Variants in DMXL2 observed in about 807,000 individuals in gnomAD.
DMXL2 encodes the protein dmX-like protein 2.
In DMXL2, 103 loss-of-function variants were observed where a neutral mutation model predicts 331.1. That is an observed-to-expected ratio of 0.31 (90% CI 0.27 to 0.37). The LOEUF (loss-of-function observed/expected upper bound fraction) is 0.37, where lower values mean the gene tolerates loss of function less well. Ranked by LOEUF, DMXL2 falls within the 10% of genes least tolerant of loss-of-function variation. The pLI is 1.00. For synonymous variants in DMXL2, 1,281 were observed against 1,252.1 expected (o/e 1.02, Z -0.49); for missense variants, 3,171 against 3,642.9 (o/e 0.87, Z 3.33).
rs2048943183 is a variant in DMXL2 at position 51,547,347 on chromosome 15, T to C, written c.629A>G (p.Gln210Arg). 6.2e-7 allele frequency: 1 copy of C among 1,612,274 alleles called. No homozygotes were observed. Among genetic ancestry groups the C allele is most frequent in the Non-Finnish European group, 8.5e-7 (1 of 1,179,142 alleles). Residue 210 changes from glutamine to arginine, a missense_variant, in exon 7 of 44, where the codon CAG becomes CGG. By Grantham distance (43) the Gln-to-Arg change is conservative. This residue lies in a region of DMXL2 where 1,674 missense variants were observed against 1,780.2 expected (regional missense o/e 0.94). Transcript: ENST00000560891. The part of the protein sequence containing the change: ...MTGWKSSIIP[Q>R]DHHEVKRRQS... ...TCTCCTTTTTACTTCATGATGATCC[T>C]GAGGTATAATTGAAGACTTCCAACC...
At chr15:51,550,227 C>G (rs192875940) in intron 6 of DMXL2, among the ~76,000 whole-genome samples, 10 of 152,188 alleles carry the variant, frequency 6.6e-5, no homozygotes, top group Admixed American at 4.6e-4. Flanking sequence ...ATCCAGCATC[C>G]CTTTATAATT....
Position 51,480,810 on chromosome 15 carries a change from C to A in DMXL2, c.6296G>T (p.Ser2099Ile), listed in dbSNP as rs755290557. 2 of 1,610,534 alleles carry A rather than the reference C, an allele frequency of 1.2e-6. No homozygotes were observed. Among genetic ancestry groups the A allele is most frequent in the South Asian group, 2.2e-5 (2 of 90,468 alleles). Residue 2099 changes from serine to isoleucine, a missense_variant, in exon 24 of 44, where the codon AGT becomes ATT. Ser to Ile is a moderately radical substitution (Grantham distance 142). Transcript: ENST00000560891. ...NHESVIKEYS[S>I]KTYSKVESDL... Reference sequence around the variant, plus strand: ...ACTCTCTACTTTGGAATATGTCTTACTGGAATACTCTTTAATAACTGATTC... The same window carrying A: ...ACTCTCTACTTTGGAATATGTCTTAATGGAATACTCTTTAATAACTGATTC...
intron 6 of DMXL2, among the ~76,000 whole-genome samples, chr15:51,561,452 A>G (rs1447532110): frequency 6.6e-6 from 1 of 152,256 alleles, no homozygotes; most frequent in East Asian, 1.9e-4. Flanking sequence ...AGACAGGGAC[A>G]CCAGACAGGC....
intron 20 of DMXL2, among the ~76,000 whole-genome samples, chr15:51,489,980 T>C (rs937332026): frequency 6.6e-6 from 1 of 152,244 alleles, no homozygotes; most frequent in Non-Finnish European, 1.5e-5. Context: ...GGGATACATC[T>C]GAAACATTTC....
chr15:51,516,058 C>T (rs1283412585), intron 14 of DMXL2, among the ~76,000 whole-genome samples: 1 of 152,062 alleles, frequency 6.6e-6, no homozygotes, highest in Non-Finnish European at 1.5e-5. Context: ...TACATTTTCC[C>T]CAATAGAAAG....
rs79285947 is a variant in DMXL2 at position 51,500,627 on chromosome 15, T to A, written c.2993-396A>T. 5.9e-5 allele frequency among the ~76,000 whole-genome samples: 9 copies of A among 152,350 alleles called. No homozygotes were observed. In the East Asian group the frequency reaches 1.5e-3, roughly 26 times the overall value. On this transcript the variant is annotated intron_variant, in intron 17 of 43. Coordinates refer to ENST00000560891, the MANE Select transcript of DMXL2 (RefSeq NM_001378457.1). ...ACTATATATTTAATCATTTTCATCA[T>A]GAATACTTAACTGAGCTTTACAATT...
chr15:51,601,764 C>T (rs2053245280), intron 1 of DMXL2, among the ~76,000 whole-genome samples: 1 of 152,156 alleles, frequency 6.6e-6, no homozygotes, highest in African/African-American at 2.4e-5. Context: ...ATCATTCTAT[C>T]AAATTCCACA....
Position 51,498,833 on chromosome 15 carries a change from G to A in DMXL2, c.4391C>T (p.Pro1464Leu). The A allele has an allele frequency of 6.2e-7, 1 of 1,614,122 alleles. No individual in the cohort carries two copies. Among genetic ancestry groups the A allele is most frequent in the Non-Finnish European group, 8.5e-7 (1 of 1,179,994 alleles). ...AAACAGCTCTGAATACTGATCCTCTGGTTGACTTACTGTCTGATCTTCATA... is the reference window on the plus strand; with the variant it reads ...AAACAGCTCTGAATACTGATCCTCTAGTTGACTTACTGTCTGATCTTCATA... ...QSYEDQTVSQ[P>L]EDQYSELFQI... The change falls in exon 18 of 44, where the codon CCA becomes CTA. Residue 1464 changes from proline to leucine, a missense_variant. Transcript: ENST00000560891.
chr15:51,492,129 C>A (rs1444558054), intron 19 of DMXL2, among the ~76,000 whole-genome samples: 1 of 152,232 alleles, frequency 6.6e-6, no homozygotes, highest in African/African-American at 2.4e-5. Flanking sequence ...AGGGCCCAGG[C>A]CCGATTCCAG....
At chr15:51,579,985 G>C (rs2051299152) in intron 1 of DMXL2, among the ~76,000 whole-genome samples, 1 of 152,168 alleles carries the variant, frequency 6.6e-6, no homozygotes, top group African/African-American at 2.4e-5. Context: ...GGATTCATTT[G>C]CTTCACAGTA....
Position 51,564,124 on chromosome 15 carries a change from C to T in DMXL2, c.500+1G>A. ...ATATAACAATAGAAATAGACACTAA[C>T]TTGCACTGCCAGACACACTTCCAAT... On this transcript the variant is annotated splice_donor_variant, in intron 5 of 43. Transcript: ENST00000560891. LOFTEE classifies it high-confidence loss of function. The T allele has an allele frequency of 6.3e-7, 1 of 1,590,536 alleles. No homozygotes were observed. Among genetic ancestry groups the T allele is most frequent in the Non-Finnish European group, 8.5e-7 (1 of 1,171,956 alleles).
chr15:51,457,438 T>C lies in DMXL2; in HGVS notation c.8227A>G (p.Thr2743Ala). 1 of 1,614,226 alleles carries C rather than the reference T, an allele frequency of 6.2e-7. No homozygotes were observed. The highest frequency in any genetic ancestry group is 8.5e-7 in the Non-Finnish European group (1 of 1,180,028). ...GCACTGGGTTGATAAAGAGTTGTAGTGGAACCACGATAATCAACATCATCT... is the reference window on the plus strand; with the variant it reads ...GCACTGGGTTGATAAAGAGTTGTAGCGGAACCACGATAATCAACATCATCT... ...SSDDVDYRGS[T>A]TTLYQPSATS... Residue 2743 changes from threonine (T) to alanine (A), a missense_variant, in exon 37 of 44, where the codon ACT becomes GCT. Transcript: ENST00000560891.
chr15:51,466,343 GATT>G (rs2040568993), intron 29 of DMXL2, 32 bp from the exon 30 acceptor site: 2 of 1,024,372 alleles, frequency 2.0e-6, no homozygotes, highest in Non-Finnish European at 1.3e-6. Context: ...TTTTTTTAAA[GATT>G]ATAATTTCAT....
At chr15:51,505,717 T>C (rs1390337682) in intron 16 of DMXL2, among the ~76,000 whole-genome samples, 2 of 152,236 alleles carry the variant, frequency 1.3e-5, no homozygotes, top group African/African-American at 4.8e-5. Flanking sequence ...CAGTTAGAAC[T>C]GCTACAATTG....
chr15:51,614,614 T>A (rs896593513), intron 1 of DMXL2, among the ~76,000 whole-genome samples: 2 of 152,108 alleles, frequency 1.3e-5, no homozygotes, highest in Admixed American at 6.5e-5. Flanking sequence ...TACCAAGAAG[T>A]ATTATAAAAA....
intron 1 of DMXL2, among the ~76,000 whole-genome samples, chr15:51,592,690 G>C (rs564702250): frequency 2.7e-4 from 41 of 152,346 alleles, no homozygotes; most frequent in African/African-American, 9.6e-4. Flanking sequence ...ACAAATGGAA[G>C]CCCATCAGAC....
chr15:51,492,230 T>TG (rs138236016), intron 19 of DMXL2, among the ~76,000 whole-genome samples: 1,596 of 152,242 alleles, frequency 0.01, 23 homozygotes, highest in African/African-American at 0.037. Context: ...AAGGAAAGTG[T>TG]GGTGAAAGCT....
At chr15:51,537,398 G>C in intron 11 of DMXL2, 90 bp downstream of exon 11, 2 of 1,374,390 alleles carry the variant, frequency 1.5e-6, no homozygotes, top group Non-Finnish European at 1.9e-6. Context: ...AAAATTTTCA[G>C]TAATTCTAAA....
chr15:51,564,882 A>T (rs191637162), intron 4 of DMXL2, among the ~76,000 whole-genome samples: 177 of 152,284 alleles, frequency 1.2e-3, no homozygotes, highest in African/African-American at 4.1e-3. Context: ...TTGAAATAAA[A>T]CACACAAAGG....
Sources: allele counts gnomAD v4.1 joint callset (sites outside exome capture counted in the v4.1 genomes callset), GRCh38; gene constraint gnomAD v4.1.1; regional missense constraint gnomAD v4.1.1; transcripts MANE v1.5; gene names NCBI Gene and HGNC (gene_info 2026-07-23, HGNC 2026-07-21).